Variants in CLCN5 observed in about 807,000 individuals in gnomAD.
CLCN5 encodes the protein H(+)/Cl(-) exchange transporter 5.
In CLCN5, 17 loss-of-function variants were observed where a neutral mutation model predicts 54.0. The observed-to-expected ratio is 0.31, with a 90% CI of 0.22 to 0.47. CLCN5 has a LOEUF of 0.47. CLCN5 is among the 20% of genes least tolerant of loss of function. The pLI is 1.00. For missense variants in CLCN5, 448 were observed against 646.7 expected, an observed-to-expected ratio of 0.69 and a Z score of 3.33; for synonymous variants, 222 against 233.0, an observed-to-expected ratio of 0.95 and a Z score of 0.43.
At chrX:50,006,840 A>G (rs1344965898) in intron 3 of CLCN5, among the ~76,000 whole-genome samples, 3 of 111,880 alleles carry the variant, frequency 2.7e-5, no homozygotes, top group Admixed American at 9.5e-5. Context: ...AGAACAGTAC[A>G]GCCACAGTCC....
At chrX:49,925,510 G>A (rs782032171) in intron 3 of CLCN5, among the ~76,000 whole-genome samples, 196 bp downstream of exon 3, 1 of 112,458 alleles carries the variant, frequency 8.9e-6, no homozygotes, top group African/African-American at 3.2e-5. Context: ...TTTAAAAGTG[G>A]GGTTGTAGGA....
intron 3 of CLCN5, among the ~76,000 whole-genome samples, chrX:50,016,657 A>G (rs1232492699): frequency 3.6e-5 from 4 of 109,775 alleles, no homozygotes; most frequent in African/African-American, 1.3e-4. Flanking sequence ...CAAGTGTATA[A>G]TGACATGCAT....
At chrX:50,050,489 A>G (rs1431600315) in intron 4 of CLCN5, 1 of 110,212 alleles carries the variant, frequency 9.1e-6, no homozygotes, top group African/African-American at 3.3e-5. Flanking sequence ...TTCACGTGCT[A>G]TTTGCCATAT....
At chrX:50,025,433 C>G (rs988274521) in intron 3 of CLCN5, among the ~76,000 whole-genome samples, 1 of 104,130 alleles carries the variant, frequency 9.6e-6, no homozygotes, top group Non-Finnish European at 2.0e-5. Flanking sequence ...AGAAATCACC[C>G]GTCTTCTGCG....
At chrX:49,941,282 C>T (rs1467064211) in intron 3 of CLCN5, among the ~76,000 whole-genome samples, 1 of 111,065 alleles carries the variant, frequency 9.0e-6, no homozygotes, top group Non-Finnish European at 1.9e-5. Context: ...GATCATGCCA[C>T]TGCACTCCAG....
intron 3 of CLCN5, among the ~76,000 whole-genome samples, chrX:50,034,401 T>G (rs782617061): frequency 1.8e-5 from 2 of 111,972 alleles, no homozygotes; most frequent in Admixed American, 1.9e-4. Flanking sequence ...ATAATGCATC[T>G]CTAATCCCCT....
intron 3 of CLCN5, among the ~76,000 whole-genome samples, chrX:50,000,369 C>T (rs1929740347): frequency 9.1e-6 from 1 of 110,115 alleles, no homozygotes; most frequent in Non-Finnish European, 1.9e-5. Flanking sequence ...AATGCACACA[C>T]TGGCTGGGCC....
intron 4 of CLCN5, among the ~76,000 whole-genome samples, chrX:50,066,535 CAG>C (rs782747826): frequency 6.3e-4 from 71 of 112,287 alleles, no homozygotes; most frequent in South Asian, 6.0e-3. Flanking sequence ...TAATGTTTAA[CAG>C]TGGCTGTCCT....
intron 3 of CLCN5, among the ~76,000 whole-genome samples, chrX:49,934,778 C>G (rs902390398): frequency 1.8e-5 from 2 of 111,794 alleles, no homozygotes; most frequent in Non-Finnish European, 3.8e-5. Flanking sequence ...TTCTTTTCTT[C>G]TGTGTCCCTC....
At position 50,042,367 on chromosome X, in the gene CLCN5, ACAGCTC is replaced by A; in HGVS notation, c.72_77del (p.Ser25_Ser26del). 1 of 1,177,865 alleles carries A rather than the reference ACAGCTC, an allele frequency of 8.5e-7. No homozygotes were observed. The highest frequency in any genetic ancestry group is 3.0e-5 in the East Asian group (1 of 32,827). ...CAGGGGAGTTTTAGTAGCTTCCAGAACAGCTCCAGTGATGAAGACCTGATGGACATT... is the reference window on the plus strand; with the variant it reads ...CAGGGGAGTTTTAGTAGCTTCCAGAACAGTGATGAAGACCTGATGGACATT... On this transcript the variant is annotated inframe_deletion, in exon 4 of 15. Transcript: ENST00000376091.
In CLCN5 at chrX:50,081,810, T is replaced by A; in HGVS notation, c.896T>A (p.Phe299Tyr). ...TGTGGGAACATCCTGTGCCACTGCTTCAACAAATACAGGAAGAATGAAGCC... is the reference window on the plus strand; with the variant it reads ...TGTGGGAACATCCTGTGCCACTGCTACAACAAATACAGGAAGAATGAAGCC... The part of the protein sequence containing the change: ...CCCGNILCHC[F>Y]NKYRKNEAKR... The change falls in exon 9 of 15, where the codon TTC (phenylalanine) becomes TAC (tyrosine). Residue 299 changes from phenylalanine to tyrosine, a missense_variant. Coordinates refer to ENST00000376091, the MANE Select transcript of CLCN5 (RefSeq NM_001127898.4). The A allele has an allele frequency of 8.3e-7, 1 of 1,211,461 alleles. No homozygotes were observed. The highest frequency in any genetic ancestry group is 1.7e-5 in the African/African-American group (1 of 57,807).
chrX:49,936,180 C>T (rs1031204614), intron 3 of CLCN5, among the ~76,000 whole-genome samples: 1 of 111,782 alleles, frequency 8.9e-6, no homozygotes, highest in South Asian at 3.8e-4. Context: ...TCCCCCCAAC[C>T]CCATTCTCTG....
At chrX:49,984,363 A>G (rs1557178039) in intron 3 of CLCN5, among the ~76,000 whole-genome samples, 1 of 111,841 alleles carries the variant, frequency 8.9e-6, no homozygotes, top group African/African-American at 3.2e-5. Flanking sequence ...GGAACAATCT[A>G]TAATTTTCCT....
chrX:50,075,751 G>C (rs1933376772), intron 6 of CLCN5, 44 bp from the exon 7 acceptor site: 2 of 1,119,493 alleles, frequency 1.8e-6, no homozygotes, highest in Non-Finnish European at 1.2e-6. Flanking sequence ...CAGTTTCCGA[G>C]ATTCAGTTTA....
At chrX:50,056,997 G>A (rs962769763) in intron 4 of CLCN5, among the ~76,000 whole-genome samples, 3 of 111,611 alleles carry the variant, frequency 2.7e-5, no homozygotes, top group East Asian at 2.8e-4. Flanking sequence ...TCCTTCCTGC[G>A]TGTTAGACAC....
intron 3 of CLCN5, among the ~76,000 whole-genome samples, chrX:50,029,784 G>C (rs1557185574): frequency 8.9e-6 from 1 of 112,048 alleles, no homozygotes; most frequent in African/African-American, 3.2e-5. Flanking sequence ...TACACTGTTG[G>C]TGGGACTGTA....
intron 3 of CLCN5, among the ~76,000 whole-genome samples, chrX:50,037,926 A>G (rs1932066862): frequency 9.0e-6 from 1 of 111,682 alleles, no homozygotes; most frequent in Non-Finnish European, 1.9e-5. Context: ...CCGAATAACA[A>G]TGAGCACCCA....
At chrX:50,051,465 A>G (rs1432300381) in intron 4 of CLCN5, among the ~76,000 whole-genome samples, 1 of 111,926 alleles carries the variant, frequency 8.9e-6, no homozygotes, top group South Asian at 3.7e-4. Context: ...GAGCCTTCCA[A>G]CTGTTCAGCT....
At position 50,095,326 on chromosome X, in the gene CLCN5, A is replaced by G. The variant is rs1934228026; in HGVS notation, c.*3107A>G. On this transcript the variant is annotated 3_prime_UTR_variant, in exon 15 of 15. Transcript: ENST00000376091. ...GCATGATTCGTTATATTGGAGGGAA[A>G]AAGCAGGGGACTGATAATACAAAAT... 8.9e-6 allele frequency: 1 copy of G among 112,597 alleles called. No individual in the cohort carries two copies. Among genetic ancestry groups the G allele is most frequent in the Admixed American group, 9.4e-5 (1 of 10,641 alleles). 9.3% of individuals were successfully genotyped at this position (112,597 alleles called of 1,213,427 possible).
Sources: gnomAD v4.1 joint callset for allele counts (sites outside exome capture counted in the v4.1 genomes callset) on GRCh38, gnomAD v4.1.1 for gene constraint, MANE v1.5 for transcripts, NCBI Gene and HGNC (gene_info 2026-07-23, HGNC 2026-07-21) for gene names.